GRID1: variants seen among roughly 807,000 people sequenced by gnomAD.
GRID1 encodes glutamate ionotropic receptor delta type subunit 1.
Under a neutral mutation model 98.0 loss-of-function variants are expected in GRID1, and 28 were observed. That is an observed-to-expected ratio of 0.29 (90% CI 0.21 to 0.39). GRID1 has a LOEUF of 0.39. Among genes scored for constraint, GRID1 ranks in the 10% least tolerant of loss-of-function variants. The pLI, the probability that GRID1 is intolerant of heterozygous loss-of-function variation, is 1.00. For synonymous variants in GRID1, 553 were observed against 538.5 expected (o/e 1.03, Z -0.37); for missense variants, 1,111 against 1,340.5 (o/e 0.83, Z 2.67).
intron 2 of GRID1, among the ~76,000 whole-genome samples, chr10:86,349,259 G>T (rs933249761): frequency 1.3e-5 from 2 of 152,232 alleles, no homozygotes; most frequent in African/African-American, 4.8e-5. Context: ...GCTGGGGGAA[G>T]AGGGGCTCCT....
At chr10:86,223,712 C>G (rs1015828263) in intron 2 of GRID1, among the ~76,000 whole-genome samples, 1 of 152,382 alleles carries the variant, frequency 6.6e-6, no homozygotes, top group East Asian at 1.9e-4. Context: ...CAATCCCCAG[C>G]CCAGCTTGGG....
chr10:85,888,892 C>T (rs916551621), intron 5 of GRID1, among the ~76,000 whole-genome samples: 1 of 152,170 alleles, frequency 6.6e-6, no homozygotes, highest in African/African-American at 2.4e-5. Context: ...TCCATTTCAC[C>T]CATCCCTGCT....
intron 8 of GRID1, among the ~76,000 whole-genome samples, chr10:85,818,827 CG>C (rs2131749105): frequency 6.6e-6 from 1 of 152,162 alleles, no homozygotes; most frequent in East Asian, 1.9e-4. Context: ...AAGCGAGTCT[CG>C]TGCCTCAGCC....
rs141890621 is a variant in GRID1, at chr10:85,959,381, A to G, written c.727-43142T>C. On this transcript the variant is annotated intron_variant, in intron 4 of 15. Coordinates refer to ENST00000327946, the MANE Select transcript of GRID1 (RefSeq NM_017551.3). ...AGACGAGGTGCAGCAGGGTCTCCAG[A>G]GTGTTGCACCAGTGCCTTGGCAGCA... Among the ~76,000 whole-genome samples the G allele has an allele frequency of 1.3e-3, 192 of 152,294 alleles. 1 individual carries two copies. Among genetic ancestry groups the G allele is most frequent in the Non-Finnish European group, 2.1e-3 (146 of 68,030 alleles).
rs186426563 is a variant in GRID1, at chr10:85,658,458, T to C, written c.1998-11061A>G. On this transcript the variant is annotated intron_variant, in intron 12 of 15. Coordinates refer to ENST00000327946, the MANE Select transcript of GRID1 (RefSeq NM_017551.3). ...AGGCTTCAGGAGATTAAGGAATTTA[T>C]GGAAGGTCACAGAAGCAGCAAGTAC... 1.5e-3 allele frequency among the ~76,000 whole-genome samples: 235 copies of C among 152,342 alleles called. 1 individual carries two copies. Among genetic ancestry groups the C allele is most frequent in the African/African-American group, 4.2e-3 (173 of 41,578 alleles).
chr10:85,849,247 G>A lies in GRID1; in HGVS notation c.1233+5249C>T, dbSNP rs919830058. ...AATGATGCACTTTCAAGCTCAGGGA[G>A]GACTGGGGTCCTATGGCGTGGCAAT... On this transcript the variant is annotated intron_variant, in intron 8 of 15. Coordinates refer to ENST00000327946, the MANE Select transcript of GRID1 (RefSeq NM_017551.3). Among the ~76,000 whole-genome samples the A allele has an allele frequency of 2.0e-5, 3 of 152,284 alleles. No homozygotes were observed. In the South Asian group the frequency reaches 6.2e-4, roughly 32 times the overall value.
chr10:85,793,443 T>C (rs560974539), intron 8 of GRID1, among the ~76,000 whole-genome samples: 2 of 152,346 alleles, frequency 1.3e-5, no homozygotes, highest in South Asian at 4.1e-4. Context: ...TTTTAAGCTC[T>C]TGGAGACAAA....
intron 4 of GRID1, among the ~76,000 whole-genome samples, chr10:85,938,232 A>G (rs1295129829): frequency 6.6e-6 from 1 of 152,186 alleles, no homozygotes; most frequent in Non-Finnish European, 1.5e-5. Context: ...GGAGAAAAAT[A>G]CTTGGACATA....
chr10:86,338,794 G>A (rs374300862), intron 2 of GRID1, among the ~76,000 whole-genome samples: 1 of 152,184 alleles, frequency 6.6e-6, no homozygotes, highest in Non-Finnish European at 1.5e-5. Context: ...CTGACCTCAA[G>A]TGATCCGCCT....
intron 4 of GRID1, among the ~76,000 whole-genome samples, chr10:86,024,726 G>A (rs181399319): frequency 2.0e-5 from 3 of 152,118 alleles, no homozygotes; most frequent in East Asian, 3.9e-4. Context: ...ACAGTTAGCC[G>A]GCTGGGCAGA....
chr10:85,768,866 T>C (rs1445688971), intron 8 of GRID1, among the ~76,000 whole-genome samples: 1 of 152,236 alleles, frequency 6.6e-6, no homozygotes, highest in Admixed American at 6.5e-5. Context: ...ATACAAATCC[T>C]TGTAACCAGT....
chr10:85,985,260 C>T (rs1188762522), intron 4 of GRID1, among the ~76,000 whole-genome samples: 1 of 152,180 alleles, frequency 6.6e-6, no homozygotes, highest in Non-Finnish European at 1.5e-5. Flanking sequence ...CATTGACTTG[C>T]CCAACGTCAC....
At chr10:85,614,227 G>A (rs1286296350) in intron 14 of GRID1, among the ~76,000 whole-genome samples, 1 of 152,196 alleles carries the variant, frequency 6.6e-6, no homozygotes, top group Admixed American at 6.5e-5. Context: ...CAAAGTGCAG[G>A]CAGAGCTGTG....
chr10:85,663,035 C>T (rs867888065), intron 12 of GRID1, among the ~76,000 whole-genome samples: 8 of 152,148 alleles, frequency 5.3e-5, no homozygotes, highest in East Asian at 1.9e-4. Flanking sequence ...CCTAAACATG[C>T]GGACAACTCC....
intron 12 of GRID1, among the ~76,000 whole-genome samples, chr10:85,674,774 G>A (rs1590185044): frequency 6.6e-6 from 1 of 151,444 alleles, no homozygotes; most frequent in East Asian, 1.9e-4. Context: ...TGGATTACCT[G>A]ACACTGACAT....
intron 4 of GRID1, among the ~76,000 whole-genome samples, chr10:85,933,091 T>C (rs1037185038): frequency 2.6e-5 from 4 of 152,152 alleles, no homozygotes; most frequent in African/African-American, 4.8e-5. Context: ...AATGTCAGCA[T>C]TGCAAGAGTG....
chr10:85,804,951 C>A (rs928468294), intron 8 of GRID1, among the ~76,000 whole-genome samples: 2 of 150,566 alleles, frequency 1.3e-5, no homozygotes, highest in Admixed American at 6.6e-5. Flanking sequence ...AAAGAAAAAA[C>A]CACAGAATGA....
chr10:85,658,773 C>T (rs1021672850), intron 12 of GRID1, among the ~76,000 whole-genome samples: 17 of 152,092 alleles, frequency 1.1e-4, no homozygotes, highest in African/African-American at 4.1e-4. Context: ...AGGAAATGGA[C>T]ATATAGAAGA....
At chr10:85,794,216 C>T (rs1842505813) in intron 8 of GRID1, among the ~76,000 whole-genome samples, 1 of 152,106 alleles carries the variant, frequency 6.6e-6, no homozygotes, top group Admixed American at 6.5e-5. Flanking sequence ...ACCCAGCCTG[C>T]CATAATGATT....
Sources: allele counts gnomAD v4.1 joint callset (sites outside exome capture counted in the v4.1 genomes callset), GRCh38; gene constraint gnomAD v4.1.1; transcripts MANE v1.5; gene names NCBI Gene and HGNC (gene_info 2026-07-23, HGNC 2026-07-21).